The following AIG1 variants were observed in gnomAD, a reference collection of about 807,000 sequenced individuals.
The protein encoded by AIG1 is androgen induced 1, also known as androgen-induced gene 1 protein.
In AIG1, 23 loss-of-function variants were observed where a neutral mutation model predicts 31.4. That is an observed-to-expected ratio of 0.73 (90% CI 0.53 to 1.04). The LOEUF is 1.04. AIG1 is among the 50% of genes least tolerant of loss of function. AIG1 has a pLI of 0.00. For synonymous variants in AIG1, 100 were observed against 110.5 expected (o/e 0.90, Z 0.60); for missense variants, 274 against 295.0 (o/e 0.93, Z 0.52).
intron 1 of AIG1, among the ~76,000 whole-genome samples, chr6:143,119,960 G>T (rs758326672): frequency 6.6e-6 from 1 of 151,946 alleles, no homozygotes; most frequent in South Asian, 2.1e-4. Flanking sequence ...ATGGAGTTTC[G>T]CTCTTGTTGC....
At chr6:143,103,750 G>A (rs1021741249) in intron 1 of AIG1, among the ~76,000 whole-genome samples, 9 of 151,836 alleles carry the variant, frequency 5.9e-5, no homozygotes, top group Non-Finnish European at 1.0e-4. Context: ...CTCGTGATCC[G>A]CCCGCCTCGG....
At chr6:143,094,452 A>C (rs1240024066) in intron 1 of AIG1, 1 of 152,222 alleles carries the variant, frequency 6.6e-6, no homozygotes, top group Non-Finnish European at 1.5e-5. Context: ...AGCAGTGTAC[A>C]CTGAGGCCTG....
chr6:143,327,118 T>C lies in AIG1; in HGVS notation c.516-6164T>C, dbSNP rs1776672120. 6.6e-6 allele frequency among the ~76,000 whole-genome samples: 1 copy of C among 152,104 alleles called. No homozygotes were observed. The highest frequency in any genetic ancestry group is 2.4e-5 in the African/African-American group (1 of 41,414). On this transcript the variant is annotated intron_variant, in intron 4 of 5. Coordinates refer to ENST00000357847, the MANE Select transcript of AIG1 (RefSeq NM_016108.4). The surrounding 1 kb of genome is among the most constrained non-coding windows in gnomAD (Gnocchi z 5.3). ...AGAGACAAATTAGAAACTATCACAGTCCTCTAGACAGAAATGCTTCTAACA... is the reference window on the plus strand; with the variant it reads ...AGAGACAAATTAGAAACTATCACAGCCCTCTAGACAGAAATGCTTCTAACA...
At chr6:143,066,321 G>T (rs1286211592) in intron 1 of AIG1, among the ~76,000 whole-genome samples, 1 of 151,340 alleles carries the variant, frequency 6.6e-6, no homozygotes, top group African/African-American at 2.4e-5. Context: ...CTGTCACCCA[G>T]GCGAGTGCAG....
intron 2 of AIG1, among the ~76,000 whole-genome samples, chr6:143,142,665 G>T (rs913695392): frequency 1.3e-5 from 2 of 152,078 alleles, no homozygotes; most frequent in Non-Finnish European, 2.9e-5. Flanking sequence ...TCGGAAATTT[G>T]ACCTTCTTAT....
chr6:143,134,017 A>T (rs182466559), intron 1 of AIG1, among the ~76,000 whole-genome samples: 2,716 of 152,156 alleles, frequency 0.018, 40 homozygotes, highest in Non-Finnish European at 0.026. Context: ...AATCTTTAAA[A>T]CTAAGGGATA....
intron 4 of AIG1, among the ~76,000 whole-genome samples, chr6:143,315,389 G>A (rs9399437): frequency 0.24 from 37,041 of 151,992 alleles, 4,622 homozygotes; most frequent in South Asian, 0.28. Flanking sequence ...GAAGAACAAA[G>A]TAGGAGGACC....
intron 4 of AIG1, among the ~76,000 whole-genome samples, chr6:143,312,881 A>G (rs1282444839): frequency 6.6e-6 from 1 of 152,134 alleles, no homozygotes; most frequent in African/African-American, 2.4e-5. Flanking sequence ...TAATAATCTG[A>G]TTCAAAAATT....
intron 1 of AIG1, among the ~76,000 whole-genome samples, chr6:143,125,902 C>T (rs1782648085): frequency 6.6e-6 from 1 of 152,112 alleles, no homozygotes; most frequent in Non-Finnish European, 1.5e-5. Context: ...TGACTTATGG[C>T]CTGTTTCATC....
In AIG1 at chr6:143,097,162, T is replaced by G. The variant is rs1248365026; in HGVS notation, c.141+36096T>G. On this transcript the variant is annotated intron_variant, in intron 1 of 5. Transcript: ENST00000357847. ...GTAAAGGAAAAGTGAAGTTTTTTGTTTTTTTTTTTCCTAAGAGAATGCCTA... is the reference window on the plus strand; with the variant it reads ...GTAAAGGAAAAGTGAAGTTTTTTGTGTTTTTTTTTCCTAAGAGAATGCCTA... Among the ~76,000 whole-genome samples the G allele has an allele frequency of 2.0e-5, 3 of 151,014 alleles. No homozygotes were observed. The East Asian group carries it at 5.8e-4, about 29-fold the overall frequency.
At chr6:143,235,929 C>T (rs1793771404) in intron 3 of AIG1, among the ~76,000 whole-genome samples, 2 of 152,122 alleles carry the variant, frequency 1.3e-5, no homozygotes, top group South Asian at 2.1e-4. Flanking sequence ...AGGGAGGGCA[C>T]CTCTCCAATG....
intron 3 of AIG1, among the ~76,000 whole-genome samples, chr6:143,276,063 G>A (rs1331175733): frequency 2.6e-5 from 4 of 152,114 alleles, no homozygotes; most frequent in African/African-American, 9.7e-5. Context: ...CACCTCCTGG[G>A]TGTCCTCATT....
intron 3 of AIG1, among the ~76,000 whole-genome samples, chr6:143,168,451 C>T (rs927195001): frequency 1.1e-4 from 16 of 146,680 alleles, no homozygotes; most frequent in Non-Finnish European, 1.6e-4. Flanking sequence ...TGTTCTCCTT[C>T]CTGTGTCCAC....
At chr6:143,260,609 T>C (rs1795706170) in intron 3 of AIG1, among the ~76,000 whole-genome samples, 1 of 152,196 alleles carries the variant, frequency 6.6e-6, no homozygotes, top group African/African-American at 2.4e-5. Context: ...ACACAAACAT[T>C]GACTGAGCAC....
intron 3 of AIG1, among the ~76,000 whole-genome samples, chr6:143,166,566 C>A (rs1422116966): frequency 2.6e-5 from 4 of 152,164 alleles, no homozygotes; most frequent in Non-Finnish European, 5.9e-5. Context: ...ATGTCTGTAT[C>A]CCCACAAAAA....
chr6:143,064,098 G>A (rs571715728), intron 1 of AIG1, among the ~76,000 whole-genome samples: 1 of 152,288 alleles, frequency 6.6e-6, no homozygotes, highest in Admixed American at 6.5e-5. Flanking sequence ...AGAATAATGG[G>A]CCTCCAAAGA....
chr6:143,159,853 AC>A (rs1371980977), intron 2 of AIG1, among the ~76,000 whole-genome samples: 1 of 152,098 alleles, frequency 6.6e-6, no homozygotes, highest in Non-Finnish European at 1.5e-5. Context: ...GCTTATTCTC[AC>A]ACCCATACTT....
At chr6:143,147,048 T>C (rs1314285006) in intron 2 of AIG1, among the ~76,000 whole-genome samples, 1 of 152,162 alleles carries the variant, frequency 6.6e-6, no homozygotes, top group Non-Finnish European at 1.5e-5. Flanking sequence ...TAAGCACCCC[T>C]GAAGAGCACA....
intron 1 of AIG1, among the ~76,000 whole-genome samples, chr6:143,133,005 A>G (rs1783396449): frequency 6.6e-6 from 1 of 151,958 alleles, no homozygotes; most frequent in Non-Finnish European, 1.5e-5. Context: ...TTGTCTACCA[A>G]TTCCAATATT....
Sources: gnomAD v4.1 joint callset for allele counts (sites outside exome capture counted in the v4.1 genomes callset) on GRCh38, gnomAD v4.1.1 for gene constraint, Gnocchi (gnomAD v3.1) non-coding constraint, MANE v1.5 for transcripts, NCBI Gene and HGNC (gene_info 2026-07-23, HGNC 2026-07-21) for gene names.